Variants in SORT1 observed in about 807,000 individuals in gnomAD.
The protein encoded by SORT1 is sortilin.
A neutral mutation model predicts 101.7 loss-of-function variants in SORT1; 39 were observed. That is an observed-to-expected ratio of 0.38 (90% CI 0.30 to 0.50). SORT1 has a LOEUF of 0.50. Among genes scored for constraint, SORT1 ranks in the 20% least tolerant of loss-of-function variants. The pLI, the probability that SORT1 is intolerant of heterozygous loss-of-function variation, is 0.90. For missense variants in SORT1, 878 were observed against 1,040.4 expected, an observed-to-expected ratio of 0.84 and a Z score of 2.15; for synonymous variants, 396 against 393.7, an observed-to-expected ratio of 1.01 and a Z score of -0.07.
chr1:109,372,453 C>A (rs10858086), intron 1 of SORT1, among the ~76,000 whole-genome samples: 106,214 of 151,900 alleles, frequency 0.7, 37,663 homozygotes, highest in East Asian at 0.96. Context: ...AGATGACGCC[C>A]AAGTAAAAGG....
intron 17 of SORT1, among the ~76,000 whole-genome samples, chr1:109,316,280 C>T (rs745382801): frequency 4.6e-5 from 7 of 150,894 alleles, no homozygotes; most frequent in Non-Finnish European, 1.0e-4. Context: ...TGTAGCAGCA[C>T]GATCTCGGCT....
Position 109,314,352 on chromosome 1 carries a change from T to C in SORT1, c.2390A>G (p.Gln797Arg), listed in dbSNP as rs1050768010. 6.2e-7 allele frequency: 1 copy of C among 1,613,906 alleles called. No individual in the cohort carries two copies. Among genetic ancestry groups the C allele is most frequent in the Non-Finnish European group, 8.5e-7 (1 of 1,179,960 alleles). Residue 797 changes from glutamine (Q) to arginine (R), a missense_variant, in exon 19 of 20, where the codon CAG (glutamine) becomes CGG (arginine). Gln to Arg is a conservative substitution (Grantham distance 43). This residue lies in a region of SORT1 where 684 missense variants were observed against 894.5 expected (regional missense o/e 0.76). Coordinates refer to ENST00000256637, the MANE Select transcript of SORT1 (RefSeq NM_002959.7). ...FLVHRYSVLQ[Q>R]HAEANGVDGV... ...ATCCACACCATTGGCCTCTGCATGC[T>C]GCTGCAGCACAGAGTATCGATGCAC...
rs1658778102 is a variant in SORT1 at position 109,312,401 on chromosome 1, A to C, written c.*1642T>G. On this transcript the variant is annotated 3_prime_UTR_variant, in exon 20 of 20. Transcript: ENST00000256637. Reference sequence around the variant, plus strand: ...CTACTGCAGTTTTAACATCTCTAAAAGTCTCCATCCACTCTCTCCCCCACT... The same window carrying C: ...CTACTGCAGTTTTAACATCTCTAAACGTCTCCATCCACTCTCTCCCCCACT... The C allele has an allele frequency of 6.6e-6, 1 of 152,544 alleles. No individual in the cohort carries two copies. The highest frequency in any genetic ancestry group is 2.4e-5 in the African/African-American group (1 of 41,396). The allele number at this position is 152,544 out of a possible 1,614,324, so 9.4% of individuals were successfully genotyped here.
chr1:109,364,799 T>C (rs746110669), intron 3 of SORT1, among the ~76,000 whole-genome samples: 8 of 152,212 alleles, frequency 5.3e-5, no homozygotes, highest in African/African-American at 7.2e-5. Flanking sequence ...TCCCTGATCA[T>C]TGGCATGGCA....
At position 109,314,228 on chromosome 1, in the gene SORT1, G is replaced by GT. The variant is rs751947612; in HGVS notation, c.2481+32_2481+33insA. The GT allele has an allele frequency of 5.6e-6, 8 of 1,427,590 alleles. No homozygotes were observed. In the African/African-American group the frequency reaches 8.5e-5, roughly 15 times the overall value. 88.4% of individuals were successfully genotyped at this position (1,427,590 alleles called of 1,614,324 possible). A position where few individuals can be genotyped will look rare whatever the true frequency, so the allele number is the denominator to read the frequency against. On this transcript the variant is annotated intron_variant, in intron 19 of 19. Transcript: ENST00000256637. ...TATTTTCTTGTATTTTTTGGGGGGG[G>GT]GGGTACTACCATTCAAGAAGAAATA...
At chr1:109,326,428 AATATATATATATATAT>A (rs1166570516) in intron 13 of SORT1, among the ~76,000 whole-genome samples, 2 of 70,914 alleles carry the variant, frequency 2.8e-5, no homozygotes, top group African/African-American at 1.2e-4. Flanking sequence ...AGACAGAAAG[AATATATATATATATAT>A]ATATATATAT....
At chr1:109,374,141 A>G (rs1651666661) in intron 1 of SORT1, among the ~76,000 whole-genome samples, 1 of 152,202 alleles carries the variant, frequency 6.6e-6, no homozygotes, top group Admixed American at 6.5e-5. Context: ...ATCAGGACCC[A>G]TAATGAAGAG....
At chr1:109,314,916 C>T (rs1658941898) in intron 17 of SORT1, 138 bp from the exon 18 acceptor site, 1 of 560,056 alleles carries the variant, frequency 1.8e-6, no homozygotes, top group African/African-American at 1.9e-5. Context: ...TCTTTTCCAA[C>T]CCCCCAAGAT....
intron 5 of SORT1, among the ~76,000 whole-genome samples, chr1:109,353,444 C>T (rs1570940375): frequency 6.6e-6 from 1 of 152,024 alleles, no homozygotes; most frequent in African/African-American, 2.4e-5. Context: ...AGAACCCAGA[C>T]CTCTCTTCCA....
At chr1:109,378,200 G>A (rs1651980902) in intron 1 of SORT1, among the ~76,000 whole-genome samples, 1 of 152,052 alleles carries the variant, frequency 6.6e-6, no homozygotes, top group Non-Finnish European at 1.5e-5. Context: ...TCATGCCACT[G>A]CACTCTAGTC....
rs187639026 is a variant in SORT1, at chr1:109,326,656, A to G, written c.1643+336T>C. The G allele has an allele frequency of 3.3e-4, 55 of 169,012 alleles. No individual in the cohort carries two copies. In the East Asian group the frequency reaches 7.5e-3, roughly 23 times the overall value. The allele number at this position is 169,012 out of a possible 1,614,324, so 10.5% of individuals were successfully genotyped here. On this transcript the variant is annotated intron_variant, in intron 13 of 19. Transcript: ENST00000256637. ...TAGAGACAAGGGACAAGGTCTCCCTATGTTGCCCAGGCTGGTCTTGAACTC... is the reference window on the plus strand; with the variant it reads ...TAGAGACAAGGGACAAGGTCTCCCTGTGTTGCCCAGGCTGGTCTTGAACTC...
intron 16 of SORT1, among the ~76,000 whole-genome samples, chr1:109,317,540 C>T (rs1005732327): frequency 2.6e-5 from 4 of 152,212 alleles, no homozygotes; most frequent in Admixed American, 2.6e-4. Context: ...TTCTGTCATT[C>T]TGCCTGTGGG....
At chr1:109,385,770 A>C (rs1418143362) in intron 1 of SORT1, among the ~76,000 whole-genome samples, 1 of 152,230 alleles carries the variant, frequency 6.6e-6, no homozygotes, top group African/African-American at 2.4e-5. Context: ...CTATTCAAGT[A>C]TCAGTTTAAA....
At chr1:109,382,190 C>G (rs573030486) in intron 1 of SORT1, among the ~76,000 whole-genome samples, 11 of 152,224 alleles carry the variant, frequency 7.2e-5, no homozygotes, top group Non-Finnish European at 1.3e-4. Flanking sequence ...GGCTGGAGTG[C>G]AATGGCATGA....
At chr1:109,326,514 CACATATATATACACATATATAT>C (rs1453182442) in intron 13 of SORT1, among the ~76,000 whole-genome samples, 15 of 55,918 alleles carry the variant, frequency 2.7e-4, no homozygotes, top group African/African-American at 5.0e-4. Flanking sequence ...TACACACATA[CACATATATATACACATATATAT>C]ACATATATAT....
At chr1:109,315,749 T>TC (rs1658993530) in intron 17 of SORT1, among the ~76,000 whole-genome samples, 1 of 83,484 alleles carries the variant, frequency 1.2e-5, no homozygotes, top group Non-Finnish European at 2.7e-5. Context: ...CCTCATAACC[T>TC]TTTTTTTTTT....
chr1:109,341,635 C>T (rs1649232994), intron 9 of SORT1, among the ~76,000 whole-genome samples: 1 of 152,150 alleles, frequency 6.6e-6, no homozygotes, highest in African/African-American at 2.4e-5. Context: ...AGGTGTGAGC[C>T]ACTGCGCCCA....
At chr1:109,319,256 T>C (rs568707765) in intron 15 of SORT1, among the ~76,000 whole-genome samples, 18 of 152,274 alleles carry the variant, frequency 1.2e-4, no homozygotes, top group Non-Finnish European at 4.4e-5. Context: ...CACCCACTGC[T>C]CTCCTTTTCC....
intron 10 of SORT1, among the ~76,000 whole-genome samples, chr1:109,339,540 C>T (rs1055106963): frequency 4.6e-5 from 7 of 152,090 alleles, no homozygotes; most frequent in Admixed American, 1.3e-4. Flanking sequence ...AAGCTATAAA[C>T]GAGATAGTAT....
Sources: allele counts gnomAD v4.1 joint callset (sites outside exome capture counted in the v4.1 genomes callset), GRCh38; gene constraint gnomAD v4.1.1; regional missense constraint gnomAD v4.1.1; transcripts MANE v1.5; gene names NCBI Gene and HGNC (gene_info 2026-07-23, HGNC 2026-07-21).